Variants in SHISA6 observed in about 807,000 individuals in gnomAD.
The protein encoded by SHISA6 is protein shisa-6.
In SHISA6, 22 loss-of-function variants were observed where a neutral mutation model predicts 47.9. The ratio of observed to expected loss-of-function variants is 0.46; its 90% CI spans 0.33 to 0.66. The LOEUF (loss-of-function observed/expected upper bound fraction) is 0.66, where lower values mean the gene tolerates loss of function less well. SHISA6 is among the 30% of genes least tolerant of loss of function. The pLI, the probability that SHISA6 is intolerant of heterozygous loss-of-function variation, is 0.02. For synonymous variants in SHISA6, 388 were observed against 337.8 expected, an observed-to-expected ratio of 1.15 and a Z score of -1.63; for missense variants, 680 against 764.6, an observed-to-expected ratio of 0.89 and a Z score of 1.30.
At chr17:11,519,160 TG>T (rs1231562036) in intron 3 of SHISA6, among the ~76,000 whole-genome samples, 2 of 152,212 alleles carry the variant, frequency 1.3e-5, no homozygotes, top group Non-Finnish European at 1.5e-5. Flanking sequence ...TCTCTTAGCT[TG>T]GAGAACAGTA....
At chr17:11,266,152 C>T (rs1908417155) in intron 2 of SHISA6, among the ~76,000 whole-genome samples, 1 of 152,202 alleles carries the variant, frequency 6.6e-6, no homozygotes, top group African/African-American at 2.4e-5. Context: ...TTGAACAGAA[C>T]TTTGCATGAG....
intron 3 of SHISA6, among the ~76,000 whole-genome samples, chr17:11,442,607 T>C (rs1915121446): frequency 6.6e-6 from 1 of 152,152 alleles, no homozygotes; most frequent in South Asian, 2.1e-4. Context: ...CAAAATAGCA[T>C]GTGAAATGTT....
intron 3 of SHISA6, among the ~76,000 whole-genome samples, chr17:11,478,518 T>C: frequency 1.3e-5 from 1 of 78,582 alleles, no homozygotes; most frequent in South Asian, 7.0e-4. Context: ...TGAATGGTAA[T>C]GCCTAGGTTT....
intron 3 of SHISA6, among the ~76,000 whole-genome samples, chr17:11,414,102 C>T (rs34279475): frequency 0.14 from 21,299 of 151,324 alleles, 1,788 homozygotes; most frequent in South Asian, 0.26. Flanking sequence ...CCCATTGCTC[C>T]TCCTTTCCCT....
At chr17:11,353,238 C>T (rs1911951689) in intron 2 of SHISA6, among the ~76,000 whole-genome samples, 1 of 152,134 alleles carries the variant, frequency 6.6e-6, no homozygotes, top group African/African-American at 2.4e-5. Context: ...GCTGGCGGAT[C>T]ACGAGGTCAG....
intron 3 of SHISA6, among the ~76,000 whole-genome samples, chr17:11,444,818 A>G (rs1915188552): frequency 1.3e-5 from 2 of 152,226 alleles, no homozygotes; most frequent in African/African-American, 4.8e-5. Flanking sequence ...CAAGATTCAG[A>G]TGGGACTCTG....
At chr17:11,524,083 AAGAAAGAAAGAAAGAAAG>A (rs890372258) in intron 3 of SHISA6, among the ~76,000 whole-genome samples, 1 of 123,704 alleles carries the variant, frequency 8.1e-6, no homozygotes, top group Non-Finnish European at 1.7e-5. Context: ...AAGAAAGAAA[AAGAAAGAAAGAAAGAAAG>A]AGAAAGAAAG....
At position 11,539,184 on chromosome 17, in the gene SHISA6, C is replaced by G. The variant is rs774864419; in HGVS notation, c.896-12712C>G. Among the ~76,000 whole-genome samples the G allele has an allele frequency of 2.0e-5, 3 of 152,164 alleles. No individual in the cohort carries two copies. The East Asian group carries it at 5.8e-4, about 29-fold the overall frequency. ...CTTGAACTCCCAATCTCAGGTGATC[C>G]ACCCGCCTTGGCCTCCCAAAGTGCT... is the stretch of plus-strand genomic sequence containing the variant. On this transcript the variant is annotated intron_variant, in intron 3 of 5. Transcript: ENST00000441885.
intron 2 of SHISA6, among the ~76,000 whole-genome samples, chr17:11,377,476 A>G (rs1912844624): frequency 6.6e-6 from 1 of 152,166 alleles, no homozygotes; most frequent in Non-Finnish European, 1.5e-5. Flanking sequence ...CATCCGCATC[A>G]CCAGGAGACT....
At chr17:11,339,326 T>G (rs1053289314) in intron 2 of SHISA6, among the ~76,000 whole-genome samples, 4 of 152,186 alleles carry the variant, frequency 2.6e-5, no homozygotes, top group African/African-American at 9.7e-5. Flanking sequence ...CAAATTGTTT[T>G]CATTATAATT....
chr17:11,534,846 C>CG (rs1383303851), intron 3 of SHISA6, among the ~76,000 whole-genome samples: 1 of 151,916 alleles, frequency 6.6e-6, no homozygotes, highest in African/African-American at 2.4e-5. Context: ...AGGAAGGCTA[C>CG]GGGCCAGGAG....
In SHISA6 at chr17:11,384,051, G is replaced by A. The variant is rs147724309; in HGVS notation, c.895+4542G>A. Among the ~76,000 whole-genome samples the A allele has an allele frequency of 2.3e-3, 348 of 152,272 alleles. 3 individuals carry two copies. The highest frequency in any genetic ancestry group is 7.8e-3 in the African/African-American group (325 of 41,564). ...ATAAATACATACATACTGTGTGCCA[G>A]TATCTTCCCCTTTACAACCACCCTG... On this transcript the variant is annotated intron_variant, in intron 3 of 5. Coordinates refer to ENST00000441885, the MANE Select transcript of SHISA6 (RefSeq NM_207386.4).
intron 2 of SHISA6, among the ~76,000 whole-genome samples, chr17:11,371,168 C>G (rs1047505645): frequency 2.0e-5 from 3 of 152,182 alleles, no homozygotes; most frequent in African/African-American, 7.2e-5. Context: ...CTGGCCTGCC[C>G]CAGTTTACCT....
At chr17:11,443,921 G>T (rs1379661841) in intron 3 of SHISA6, among the ~76,000 whole-genome samples, 1 of 152,160 alleles carries the variant, frequency 6.6e-6, no homozygotes, top group Non-Finnish European at 1.5e-5. Flanking sequence ...TGGACATAGA[G>T]ATCTTTTTTT....
chr17:11,496,168 A>G (rs1010191847), intron 3 of SHISA6, among the ~76,000 whole-genome samples: 13 of 152,172 alleles, frequency 8.5e-5, no homozygotes, highest in African/African-American at 2.4e-4. Flanking sequence ...GGGCCTCCCC[A>G]TTAGTCAAAC....
At chr17:11,445,866 CGCCCA>C (rs1225308833) in intron 3 of SHISA6, among the ~76,000 whole-genome samples, 3 of 152,188 alleles carry the variant, frequency 2.0e-5, no homozygotes, top group Non-Finnish European at 4.4e-5. Context: ...CTCCTTCTGT[CGCCCA>C]GGCTGGAGGG....
chr17:11,420,965 A>G (rs374923723), intron 3 of SHISA6, among the ~76,000 whole-genome samples: 1 of 152,192 alleles, frequency 6.6e-6, no homozygotes, highest in Non-Finnish European at 1.5e-5. Flanking sequence ...TCAGATATCC[A>G]TGTCAGGACT....
At chr17:11,291,357 G>A (rs778883942) in intron 2 of SHISA6, among the ~76,000 whole-genome samples, 10 of 151,750 alleles carry the variant, frequency 6.6e-5, no homozygotes, top group African/African-American at 7.3e-5. Flanking sequence ...TAAACAACAC[G>A]GATTTTGGTG....
intron 3 of SHISA6, among the ~76,000 whole-genome samples, chr17:11,531,446 C>T (rs777441798): frequency 2.4e-4 from 37 of 152,136 alleles, no homozygotes; most frequent in Middle Eastern, 6.8e-3. Flanking sequence ...AGCTCAGATA[C>T]GGTTAGTGAG....
Sources: allele counts gnomAD v4.1 joint callset (sites outside exome capture counted in the v4.1 genomes callset), GRCh38; gene constraint gnomAD v4.1.1; transcripts MANE v1.5; gene names NCBI Gene and HGNC (gene_info 2026-07-23, HGNC 2026-07-21).